Variants in IL1RAPL1 observed in about 807,000 individuals in gnomAD.
IL1RAPL1 encodes interleukin 1 receptor accessory protein like 1, also known as interleukin-1 receptor accessory protein-like 1.
In IL1RAPL1, 3 loss-of-function variants were observed where a neutral mutation model predicts 48.4. The observed-to-expected ratio is 0.06, with a 90% CI of 0.03 to 0.16. The LOEUF (loss-of-function observed/expected upper bound fraction) is 0.16, where lower values mean the gene tolerates loss of function less well. IL1RAPL1 is among the 10% of genes least tolerant of loss of function. The probability of loss-of-function intolerance (pLI) is 1.00; values close to 1 mark genes in which losing one functional copy is unlikely to be tolerated. For synonymous variants in IL1RAPL1, 185 were observed against 187.7 expected, an observed-to-expected ratio of 0.99 and a Z score of 0.12; for missense variants, 349 against 530.6, an observed-to-expected ratio of 0.66 and a Z score of 3.36.
chrX:29,399,162 G>C lies in IL1RAPL1; in HGVS notation c.557G>C (p.Arg186Thr), dbSNP rs758771543. ...EPEILWYKECRTKTWRPSIVF... is the reference protein window; with the variant it reads ...EPEILWYKECTTKTWRPSIVF... ...TGTATGTTCTTCATATAGGAATGCA[G>C]GACAAAAACATGGAGGCCAAGTATT... Residue 186 changes from arginine (R) to threonine (T), a missense_variant, in exon 5 of 11, where the codon AGG becomes ACG. This residue lies in a region of IL1RAPL1 where 238 missense variants were observed against 337.8 expected (regional missense o/e 0.70). Transcript: ENST00000378993. 8.3e-7 allele frequency: 1 copy of C among 1,202,829 alleles called. No homozygotes were observed. Among genetic ancestry groups the C allele is most frequent in the East Asian group, 3.0e-5 (1 of 33,683 alleles).
In IL1RAPL1 at chrX:29,198,584, G is replaced by A. The variant is rs1221678354; in HGVS notation, c.83-84354G>A. Among the ~76,000 whole-genome samples, 3 of 111,681 alleles carry A rather than the reference G, an allele frequency of 2.7e-5. No homozygotes were observed. In the East Asian group the frequency reaches 8.5e-4, roughly 31 times the overall value. On this transcript the variant is annotated intron_variant, in intron 2 of 10. Transcript: ENST00000378993. ...GCTGGGATTACAGATGTAAGCCACTGCGCCCAGCCAGATTTTAGAGTTTTC... is the reference window on the plus strand; with the variant it reads ...GCTGGGATTACAGATGTAAGCCACTACGCCCAGCCAGATTTTAGAGTTTTC...
At chrX:29,829,084 A>G (rs1238256526) in intron 6 of IL1RAPL1, among the ~76,000 whole-genome samples, 1 of 108,470 alleles carries the variant, frequency 9.2e-6, no homozygotes, top group African/African-American at 3.4e-5. Flanking sequence ...ATTTTAACAA[A>G]AGGTATGCTT....
intron 1 of IL1RAPL1, among the ~76,000 whole-genome samples, chrX:28,785,349 C>T (rs1461116112): frequency 4.5e-5 from 5 of 111,974 alleles, no homozygotes; most frequent in Non-Finnish European, 9.4e-5. Flanking sequence ...TGGTCTTGAA[C>T]TCCTGGGCCC....
rs773669308 is a variant in IL1RAPL1 at position 29,572,239 on chromosome X, A to G, written c.704-96191A>G. Among the ~76,000 whole-genome samples, 25 of 112,455 alleles carry G rather than the reference A, an allele frequency of 2.2e-4. No homozygotes were observed. The South Asian group carries it at 8.7e-3, about 39-fold the overall frequency. ...TCCTGTGCTCATGAATGAAAATTAA[A>G]GCATATAATCATTCAACTAAAGCGT... On this transcript the variant is annotated intron_variant, in intron 5 of 10. Coordinates refer to ENST00000378993, the MANE Select transcript of IL1RAPL1 (RefSeq NM_014271.4).
chrX:28,726,163 G>C (rs1935674180), intron 1 of IL1RAPL1, among the ~76,000 whole-genome samples: 1 of 111,921 alleles, frequency 8.9e-6, no homozygotes, highest in Admixed American at 9.5e-5. Flanking sequence ...TGATCATTCT[G>C]TTGAGGATAG....
At chrX:29,840,964 T>C (rs1454770550) in intron 6 of IL1RAPL1, among the ~76,000 whole-genome samples, 1 of 112,302 alleles carries the variant, frequency 8.9e-6, no homozygotes, top group African/African-American at 3.2e-5. Context: ...TTGTGAACAT[T>C]TATTAAAGAA....
chrX:29,492,963 C>T (rs1935174012), intron 5 of IL1RAPL1, among the ~76,000 whole-genome samples: 1 of 111,586 alleles, frequency 9.0e-6, no homozygotes, highest in South Asian at 3.7e-4. Context: ...TTGAACAGAG[C>T]CACGCTTCAT....
intron 2 of IL1RAPL1, among the ~76,000 whole-genome samples, chrX:29,139,314 T>C (rs1929197682): frequency 9.3e-6 from 1 of 107,483 alleles, no homozygotes; most frequent in Non-Finnish European, 1.9e-5. Flanking sequence ...AGAATAATCT[T>C]GAGAGTTTCT....
At chrX:29,455,259 T>A (rs950484689) in intron 5 of IL1RAPL1, among the ~76,000 whole-genome samples, 4 of 111,719 alleles carry the variant, frequency 3.6e-5, no homozygotes, top group Admixed American at 9.6e-5. Flanking sequence ...GGAAAAAAAA[T>A]ATCTTACAGA....
chrX:28,776,809 A>C (rs1281039769), intron 1 of IL1RAPL1, among the ~76,000 whole-genome samples: 2 of 111,913 alleles, frequency 1.8e-5, no homozygotes, highest in Non-Finnish European at 3.8e-5. Flanking sequence ...TGCCTGGCAC[A>C]TAGAAAGTGC....
intron 1 of IL1RAPL1, among the ~76,000 whole-genome samples, chrX:28,629,720 G>C (rs1469591555): frequency 9.0e-6 from 1 of 111,481 alleles, no homozygotes; most frequent in Non-Finnish European, 1.9e-5. Context: ...ATCCATGGTG[G>C]TCAATGACTT....
At chrX:29,359,024 A>G (rs1348206903) in intron 3 of IL1RAPL1, among the ~76,000 whole-genome samples, 2 of 109,428 alleles carry the variant, frequency 1.8e-5, no homozygotes, top group African/African-American at 6.6e-5. Flanking sequence ...CTCCATCTCA[A>G]AAAAAAAAAC....
intron 2 of IL1RAPL1, among the ~76,000 whole-genome samples, chrX:28,968,706 A>C (rs1436338733): frequency 8.9e-6 from 1 of 112,949 alleles, no homozygotes; most frequent in Non-Finnish European, 1.9e-5. Flanking sequence ...TTTTATGTGA[A>C]AAATGCAGGA....
intron 1 of IL1RAPL1, among the ~76,000 whole-genome samples, chrX:28,669,533 C>T (rs999835789): frequency 1.9e-5 from 2 of 108,074 alleles, no homozygotes; most frequent in African/African-American, 3.4e-5. Context: ...GCAGGAGAAT[C>T]GCTTGAACCA....
At chrX:29,603,259 C>CT (rs1308712660) in intron 5 of IL1RAPL1, among the ~76,000 whole-genome samples, 1 of 76,115 alleles carries the variant, frequency 1.3e-5, no homozygotes, top group African/African-American at 5.5e-5. Flanking sequence ...AAGTGAGACT[C>CT]TATCTCAAAA....
intron 2 of IL1RAPL1, among the ~76,000 whole-genome samples, chrX:29,245,744 T>C (rs1374403763): frequency 8.9e-6 from 1 of 112,010 alleles, no homozygotes; most frequent in African/African-American, 3.2e-5. Flanking sequence ...ACTTCGATGA[T>C]TGTTTCTTTT....
intron 2 of IL1RAPL1, among the ~76,000 whole-genome samples, chrX:29,180,036 A>AG (rs913503861): frequency 5.2e-5 from 2 of 38,750 alleles, no homozygotes; most frequent in Non-Finnish European, 1.4e-4. Flanking sequence ...GAAGGAAATG[A>AG]AAAAAAAATC....
At chrX:29,663,068 T>C (rs1470721167) in intron 5 of IL1RAPL1, among the ~76,000 whole-genome samples, 1 of 112,351 alleles carries the variant, frequency 8.9e-6, no homozygotes, top group Non-Finnish European at 1.9e-5. Flanking sequence ...ATTCTACAGC[T>C]CTCACAAGAT....
At chrX:28,615,091 T>G (rs1934197514) in intron 1 of IL1RAPL1, among the ~76,000 whole-genome samples, 1 of 109,257 alleles carries the variant, frequency 9.2e-6, no homozygotes, top group Admixed American at 9.9e-5. Flanking sequence ...GGTTTCACTG[T>G]GTTAGCCAGG....
Sources: allele counts gnomAD v4.1 joint callset (sites outside exome capture counted in the v4.1 genomes callset), GRCh38; gene constraint gnomAD v4.1.1; regional missense constraint gnomAD v4.1.1; transcripts MANE v1.5; gene names NCBI Gene and HGNC (gene_info 2026-07-23, HGNC 2026-07-21).